FA2H: variants seen among roughly 807,000 people sequenced by gnomAD.
The protein encoded by FA2H is fatty acid 2-hydroxylase, also known as fatty acid alpha-hydroxylase.
A neutral mutation model predicts 44.9 loss-of-function variants in FA2H; 22 were observed. The observed-to-expected ratio is 0.49, with a 90% confidence interval of 0.35 to 0.70. The LOEUF (loss-of-function observed/expected upper bound fraction) is 0.70. Among genes scored for constraint, FA2H ranks in the 30% least tolerant of loss-of-function variants. The probability of loss-of-function intolerance (pLI) is 0.01; values close to 1 mark genes in which losing one functional copy is unlikely to be tolerated. For synonymous variants in FA2H, 243 were observed against 213.2 expected (o/e 1.14, Z -1.22); for missense variants, 501 against 504.9 (o/e 0.99, Z 0.07).
intron 1 of FA2H, among the ~76,000 whole-genome samples, chr16:74,773,177 C>A (rs1009815225): frequency 1.3e-5 from 2 of 152,110 alleles, no homozygotes; most frequent in African/African-American, 4.8e-5. Flanking sequence ...TGCCTGGCCT[C>A]ATGTTATCAT....
At chr16:74,721,230 C>T (rs1203952465) in intron 4 of FA2H, among the ~76,000 whole-genome samples, 2 of 151,996 alleles carry the variant, frequency 1.3e-5, no homozygotes, top group African/African-American at 2.4e-5. Context: ...TGCAATGGGA[C>T]GATCTCGGCT....
intron 1 of FA2H, among the ~76,000 whole-genome samples, chr16:74,759,920 T>G (rs1489715007): frequency 6.6e-6 from 1 of 152,106 alleles, no homozygotes; most frequent in Non-Finnish European, 1.5e-5. Flanking sequence ...GCAAGTTTTT[T>G]TAGGAAGGAG....
chr16:74,733,796 C>A (rs1176264874), intron 2 of FA2H, among the ~76,000 whole-genome samples: 1 of 152,222 alleles, frequency 6.6e-6, no homozygotes, highest in Non-Finnish European at 1.5e-5. Flanking sequence ...TGGGGGTGGG[C>A]AGCGCTGCTG....
intron 1 of FA2H, among the ~76,000 whole-genome samples, chr16:74,764,762 T>C (rs556183935): frequency 8.6e-5 from 13 of 150,674 alleles, no homozygotes; most frequent in African/African-American, 2.2e-4. Flanking sequence ...TTAGAGAAGA[T>C]TGAGAACCAC....
chr16:74,766,466 G>C (rs1327809055), intron 1 of FA2H, among the ~76,000 whole-genome samples: 5 of 152,150 alleles, frequency 3.3e-5, no homozygotes, highest in Non-Finnish European at 4.4e-5. Flanking sequence ...ATGGCAATAG[G>C]GAGCCATTGA....
intron 1 of FA2H, among the ~76,000 whole-genome samples, chr16:74,749,636 G>A (rs865941441): frequency 5.3e-5 from 8 of 152,206 alleles, no homozygotes; most frequent in Middle Eastern, 3.2e-3. Flanking sequence ...GGAAGCCTAA[G>A]CCAGCACAGG....
chr16:74,747,775 C>T (rs904240235), intron 1 of FA2H, among the ~76,000 whole-genome samples: 5 of 152,182 alleles, frequency 3.3e-5, no homozygotes, highest in Admixed American at 6.5e-5. Context: ...TGCTCTCAGA[C>T]TTCTGGCCTC....
At chr16:74,731,709 G>A (rs1172258652) in intron 2 of FA2H, among the ~76,000 whole-genome samples, 2 of 151,908 alleles carry the variant, frequency 1.3e-5, no homozygotes, top group Non-Finnish European at 2.9e-5. Context: ...TGTCTCCTCT[G>A]TTCTTCCTTT....
intron 6 of FA2H, 151 bp downstream of exon 6, chr16:74,716,196 G>T: frequency 1.3e-6 from 1 of 776,620 alleles, no homozygotes; most frequent in South Asian, 2.0e-5. Flanking sequence ...TCTCTGCACA[G>T]CTGTCTGCAC....
Position 74,726,318 on chromosome 16 carries a change from T to C in FA2H, c.520A>G (p.Ile174Val). Residue 174 changes from isoleucine (I) to valine (V), a missense_variant, in exon 4 of 7, where the codon ATC becomes GTC. Coordinates refer to ENST00000219368, the MANE Select transcript of FA2H (RefSeq NM_024306.5). ...LSKTVWYSVPIIWVPLVLYLS... is the reference protein window; with the variant it reads ...LSKTVWYSVPVIWVPLVLYLS... The stretch of plus-strand genomic sequence containing the variant: ...TACAGCACCAGGGGCACCCAGATGA[T>C]GGGGACACTGTACCTGCAGGAAGGC... 1 of 1,612,824 alleles carries C rather than the reference T, an allele frequency of 6.2e-7. No homozygotes were observed. Among genetic ancestry groups the C allele is most frequent in the South Asian group, 1.1e-5 (1 of 90,992 alleles).
At chr16:74,748,575 C>T (rs1045845117) in intron 1 of FA2H, among the ~76,000 whole-genome samples, 2 of 152,172 alleles carry the variant, frequency 1.3e-5, no homozygotes, top group Non-Finnish European at 2.9e-5. Flanking sequence ...TTTCTCCCCT[C>T]GTGGAGGACT....
intron 4 of FA2H, 194 bp downstream of exon 4, chr16:74,726,031 G>C (rs1961946471): frequency 1.7e-6 from 1 of 579,144 alleles, no homozygotes; most frequent in Admixed American, 2.7e-5. Context: ...GTTGGGTTTT[G>C]TATCCATTTG....
chr16:74,714,982 G>A (rs1266696846), intron 6 of FA2H, among the ~76,000 whole-genome samples: 4 of 151,748 alleles, frequency 2.6e-5, no homozygotes, highest in East Asian at 1.9e-4. Context: ...GATTACAGGC[G>A]CGCACCACCA....
At chr16:74,732,147 G>A (rs1257683875) in intron 2 of FA2H, among the ~76,000 whole-genome samples, 1 of 152,168 alleles carries the variant, frequency 6.6e-6, no homozygotes, top group African/African-American at 2.4e-5. Flanking sequence ...GCCTCCCAAA[G>A]TGCTGGGCTT....
intron 1 of FA2H, among the ~76,000 whole-genome samples, chr16:74,758,679 A>G (rs2062390201): frequency 6.6e-6 from 1 of 152,160 alleles, no homozygotes; most frequent in South Asian, 2.1e-4. Context: ...TAATCCCAGC[A>G]CTTTGGGAGG....
intron 1 of FA2H, among the ~76,000 whole-genome samples, chr16:74,740,448 C>T (rs543571309): frequency 6.6e-6 from 1 of 151,816 alleles, no homozygotes; most frequent in African/African-American, 2.4e-5. Context: ...GAAAACCTGT[C>T]TCTACTAAAA....
intron 1 of FA2H, among the ~76,000 whole-genome samples, chr16:74,744,612 C>T (rs1962380961): frequency 6.6e-6 from 1 of 151,942 alleles, no homozygotes; most frequent in Non-Finnish European, 1.5e-5. Flanking sequence ...CCATCATGCC[C>T]AGCTAATTTT....
In FA2H at chr16:74,714,157, G is replaced by T. The variant is rs745930043; in HGVS notation, c.*33C>A. 4 of 1,440,688 alleles carry T rather than the reference G, an allele frequency of 2.8e-6. No individual in the cohort carries two copies. Among genetic ancestry groups the T allele is most frequent in the East Asian group, 2.5e-5 (1 of 40,480 alleles). The allele number at this position is 1,440,688 out of a possible 1,614,324, so 89.2% of individuals were successfully genotyped here. On this transcript the variant is annotated 3_prime_UTR_variant, in exon 7 of 7. Transcript: ENST00000219368. ...TGGGGGTCGGGAAGGGGCCAGGGCC[G>T]GGCTGAGGGCAGGACGGAGGGGGTG...
At chr16:74,724,234 C>T (rs891113365) in intron 4 of FA2H, among the ~76,000 whole-genome samples, 4 of 152,128 alleles carry the variant, frequency 2.6e-5, no homozygotes, top group South Asian at 2.1e-4. Flanking sequence ...AAGGACTGGA[C>T]GTACGGGAGC....
Sources: allele counts gnomAD v4.1 joint callset (sites outside exome capture counted in the v4.1 genomes callset), GRCh38; gene constraint gnomAD v4.1.1; transcripts MANE v1.5; gene names NCBI Gene and HGNC (gene_info 2026-07-23, HGNC 2026-07-21).